Variants in CSMD1 observed in about 807,000 individuals in gnomAD.
CSMD1 encodes the protein CUB and Sushi multiple domains 1.
CSMD1 carries 213 observed loss-of-function variants against 417.5 expected under a neutral mutation model. That is an observed-to-expected ratio of 0.51 (90% CI 0.46 to 0.57). The LOEUF is 0.57. Ranked by LOEUF, CSMD1 falls within the 20% of genes least tolerant of loss-of-function variation. The pLI, the probability that CSMD1 is intolerant of heterozygous loss-of-function variation, is 0.00. For synonymous variants in CSMD1, 2,862 were observed against 1,736.8 expected (o/e 1.65, Z -16.11); for missense variants, 6,923 against 4,529.7 (o/e 1.53, Z -15.17).
At chr8:4,692,085 C>T (rs1806805047) in intron 1 of CSMD1, among the ~76,000 whole-genome samples, 1 of 152,164 alleles carries the variant, frequency 6.6e-6, no homozygotes, top group African/African-American at 2.4e-5. Context: ...ATGGGACTTG[C>T]TGTATGCTGA....
chr8:4,006,503 C>A (rs1816127270), intron 4 of CSMD1, among the ~76,000 whole-genome samples: 1 of 152,156 alleles, frequency 6.6e-6, no homozygotes, highest in South Asian at 2.1e-4. Flanking sequence ...AAGATCACCC[C>A]ACTGCACTTG....
At chr8:4,653,151 A>T (rs981589901) in intron 1 of CSMD1, among the ~76,000 whole-genome samples, 1 of 152,026 alleles carries the variant, frequency 6.6e-6, no homozygotes. Context: ...GAAATTTCCA[A>T]AGTAGACTCT....
At chr8:2,944,206 G>A (rs922364259) in intron 68 of CSMD1, among the ~76,000 whole-genome samples, 2 of 152,208 alleles carry the variant, frequency 1.3e-5, no homozygotes, top group African/African-American at 4.8e-5. Flanking sequence ...GACGTGCAGC[G>A]AGTGAAGCCA....
chr8:2,961,336 T>A (rs1803461499), intron 61 of CSMD1, 122 bp from the exon 62 acceptor site: 1 of 468,078 alleles, frequency 2.1e-6, no homozygotes, highest in African/African-American at 2.0e-5. Flanking sequence ...ATGTGCAAGA[T>A]GTTTTTCAGG....
intron 2 of CSMD1, among the ~76,000 whole-genome samples, chr8:4,593,360 T>C (rs1349785010): frequency 2.0e-5 from 3 of 152,316 alleles, no homozygotes; most frequent in Admixed American, 6.5e-5. Flanking sequence ...GTTATTGTCA[T>C]GATAAAAAAT....
chr8:3,011,389 ATCAGTTG>A (rs1288350112), intron 52 of CSMD1, among the ~76,000 whole-genome samples: 11 of 146,174 alleles, frequency 7.5e-5, no homozygotes, highest in Non-Finnish European at 1.5e-4. Flanking sequence ...CATTATCATA[ATCAGTTG>A]TTTTATTAAA....
intron 10 of CSMD1, among the ~76,000 whole-genome samples, chr8:3,524,857 T>C (rs1002575430): frequency 4.0e-5 from 6 of 151,778 alleles, no homozygotes; most frequent in Non-Finnish European, 7.4e-5. Flanking sequence ...TCCTTTCTAT[T>C]TTAACATCAC....
intron 3 of CSMD1, among the ~76,000 whole-genome samples, chr8:4,057,335 TG>T (rs1216781970): frequency 2.0e-5 from 3 of 152,232 alleles, no homozygotes; most frequent in African/African-American, 7.2e-5. Flanking sequence ...TGTCTTCTTT[TG>T]AGAAGTGTCT....
chr8:3,362,496 C>T (rs1439243306), intron 20 of CSMD1, among the ~76,000 whole-genome samples: 1 of 152,220 alleles, frequency 6.6e-6, no homozygotes, highest in Non-Finnish European at 1.5e-5. Flanking sequence ...CCACTCTCCT[C>T]CTAACTCACT....
chr8:3,106,239 A>C (rs552773859), intron 46 of CSMD1, among the ~76,000 whole-genome samples: 102 of 150,610 alleles, frequency 6.8e-4, no homozygotes, highest in African/African-American at 2.3e-3. Flanking sequence ...AAAAAAAAAA[A>C]TCCAAAAATT....
chr8:3,758,653 G>A (rs998495673), intron 5 of CSMD1, among the ~76,000 whole-genome samples: 2 of 152,180 alleles, frequency 1.3e-5, no homozygotes, highest in East Asian at 1.9e-4. Context: ...ACAACTTGGT[G>A]TTTCAGTTGA....
chr8:3,180,995 T>C, intron 37 of CSMD1, 115 bp downstream of exon 37: 1 of 707,712 alleles, frequency 1.4e-6, no homozygotes, highest in Non-Finnish European at 2.4e-6. Flanking sequence ...TGCAAGTCTT[T>C]CACAGTTTTA....
chr8:4,358,693 G>C (rs1801576841), intron 3 of CSMD1, among the ~76,000 whole-genome samples: 1 of 152,146 alleles, frequency 6.6e-6, no homozygotes, highest in South Asian at 2.1e-4. Context: ...TCTAAGAGTA[G>C]AAACCAGGTA....
chr8:4,891,683 G>T (rs186652025), intron 1 of CSMD1, among the ~76,000 whole-genome samples: 1 of 152,058 alleles, frequency 6.6e-6, no homozygotes, highest in Admixed American at 6.5e-5. Flanking sequence ...TATCCTAAGG[G>T]CTTATATTAA....
chr8:3,094,362 C>G (rs1305421771), intron 47 of CSMD1, among the ~76,000 whole-genome samples: 2 of 152,286 alleles, frequency 1.3e-5, no homozygotes, highest in Middle Eastern at 3.4e-3. Flanking sequence ...ACCTCGGTCT[C>G]CTAAAGTGCT....
intron 7 of CSMD1, among the ~76,000 whole-genome samples, chr8:3,645,820 C>A (rs368916130): frequency 6.6e-6 from 1 of 152,162 alleles, no homozygotes; most frequent in Admixed American, 6.5e-5. Context: ...TCAAATGACA[C>A]TGGGCTACAA....
chr8:4,463,927 G>T (rs182282898), intron 2 of CSMD1, among the ~76,000 whole-genome samples: 7 of 152,248 alleles, frequency 4.6e-5, no homozygotes, highest in Non-Finnish European at 7.4e-5. Flanking sequence ...TTAAAAGAAA[G>T]CAGCAGCTCA....
chr8:4,309,611 A>C (rs73191951), intron 3 of CSMD1, among the ~76,000 whole-genome samples: 3 of 151,182 alleles, frequency 2.0e-5, no homozygotes, highest in Non-Finnish European at 4.4e-5. Context: ...CTCCCATTTT[A>C]GTACAACTCC....
chr8:3,978,473 C>G (rs760403857), intron 5 of CSMD1, among the ~76,000 whole-genome samples: 13 of 152,060 alleles, frequency 8.5e-5, no homozygotes, highest in Non-Finnish European at 1.6e-4. Flanking sequence ...GTAAGAAATC[C>G]ATGAATATGG....
Sources: gnomAD v4.1 joint callset for allele counts (sites outside exome capture counted in the v4.1 genomes callset) on GRCh38, gnomAD v4.1.1 for gene constraint, MANE v1.5 for transcripts, NCBI Gene and HGNC (gene_info 2026-07-23, HGNC 2026-07-21) for gene names.